PCDH15: variants seen among roughly 807,000 people sequenced by gnomAD.
PCDH15 encodes protocadherin related 15, also known as protocadherin-15.
In PCDH15, 129 loss-of-function variants were observed where a neutral mutation model predicts 178.5. That is an observed-to-expected ratio of 0.72 (90% CI 0.63 to 0.84). The LOEUF (loss-of-function observed/expected upper bound fraction) is 0.84. Among genes scored for constraint, PCDH15 ranks in the 40% least tolerant of loss-of-function variants. The probability of loss-of-function intolerance (pLI) is 0.00; values close to 1 mark genes in which losing one functional copy is unlikely to be tolerated. For synonymous variants in PCDH15, 800 were observed against 732.0 expected (o/e 1.09, Z -1.50); for missense variants, 2,230 against 2,099.9 (o/e 1.06, Z -1.21).
At chr10:54,475,605 T>G in intron 3 of PCDH15, among the ~76,000 whole-genome samples, 1 of 152,092 alleles carries the variant, frequency 6.6e-6, no homozygotes, top group Non-Finnish European at 1.5e-5. Flanking sequence ...TTTTCTGAAA[T>G]ATATCTTATT....
intron 2 of PCDH15, among the ~76,000 whole-genome samples, chr10:54,905,807 A>G (rs1354967114): frequency 6.6e-6 from 1 of 152,124 alleles, no homozygotes; most frequent in African/African-American, 2.4e-5. Flanking sequence ...ACAGTTGCAG[A>G]TGTGTCATGA....
chr10:54,721,730 A>G (rs1941645726), intron 1 of PCDH15, among the ~76,000 whole-genome samples: 1 of 151,826 alleles, frequency 6.6e-6, no homozygotes, highest in African/African-American at 2.4e-5. Context: ...ATCAACAAAC[A>G]TCTACCAACA....
At chr10:55,053,381 G>A (rs762803228) in intron 2 of PCDH15, among the ~76,000 whole-genome samples, 6 of 152,082 alleles carry the variant, frequency 3.9e-5, no homozygotes, top group Admixed American at 6.5e-5. Context: ...ACATCAAGAC[G>A]GTACATGAGT....
At chr10:54,835,776 C>T (rs1199441665) in intron 3 of PCDH15, among the ~76,000 whole-genome samples, 1 of 152,086 alleles carries the variant, frequency 6.6e-6, no homozygotes, top group Admixed American at 6.6e-5. Context: ...TTTAAAATCA[C>T]ATAGCAGGAA....
intron 1 of PCDH15, among the ~76,000 whole-genome samples, chr10:54,745,991 G>A (rs150614436): frequency 6.6e-5 from 10 of 152,264 alleles, no homozygotes; most frequent in African/African-American, 2.4e-4. Context: ...TGAACTGTGA[G>A]ATAAATACTT....
intron 2 of PCDH15, among the ~76,000 whole-genome samples, chr10:55,018,324 G>A (rs984469730): frequency 2.0e-5 from 3 of 151,962 alleles, no homozygotes; most frequent in Non-Finnish European, 4.4e-5. Context: ...ATAGATGCTC[G>A]AGTCACGGAT....
intron 3 of PCDH15, among the ~76,000 whole-genome samples, chr10:54,403,746 C>T (rs1316245514): frequency 6.6e-6 from 1 of 151,896 alleles, no homozygotes; most frequent in African/African-American, 2.4e-5. Flanking sequence ...CAGCAAGTCT[C>T]AGGATACAAA....
At chr10:55,084,472 AC>A (rs1842115922) in intron 2 of PCDH15, among the ~76,000 whole-genome samples, 2 of 151,012 alleles carry the variant, frequency 1.3e-5, no homozygotes, top group Non-Finnish European at 3.0e-5. Flanking sequence ...TAAAAAAAAA[AC>A]TAAAAGAAAA....
intron 3 of PCDH15, among the ~76,000 whole-genome samples, chr10:54,507,868 G>T (rs1005160427): frequency 6.6e-6 from 1 of 151,846 alleles, no homozygotes; most frequent in Admixed American, 6.6e-5. Context: ...TAAAATTTCA[G>T]TATGAATATT....
At chr10:54,949,756 T>A (rs1838288476) in intron 2 of PCDH15, among the ~76,000 whole-genome samples, 1 of 151,872 alleles carries the variant, frequency 6.6e-6, no homozygotes, top group African/African-American at 2.4e-5. Flanking sequence ...CCCTAAATCA[T>A]CTCTCTCAAG....
At chr10:55,520,534 T>C (rs1327608519) in intron 2 of PCDH15, among the ~76,000 whole-genome samples, 2 of 148,518 alleles carry the variant, frequency 1.3e-5, no homozygotes, top group African/African-American at 4.9e-5. Flanking sequence ...TATATATATA[T>C]GTATATATAT....
In PCDH15 at chr10:54,686,041, A is replaced by ATTTTTTTTTTTTTTTTTTTTTTTTT. The variant is rs66539612; in HGVS notation, c.-28-21752_-28-21751insAAAAAAAAAAAAAAAAAAAAAAAAA. On this transcript the variant is annotated intron_variant, in intron 1 of 37. Coordinates refer to ENST00000644397, the MANE Select transcript of PCDH15 (RefSeq NM_001384140.1). ...CAAATCCAAGGGAGCAAGACAGCCAATTTTTTTTTTTTTTTTTTGTATTTT... is the reference window on the plus strand; with the variant it reads ...CAAATCCAAGGGAGCAAGACAGCCAATTTTTTTTTTTTTTTTTTTTTTTTTTTTTTTTTTTTTTTTTTTGTATTTT... 3.9e-5 allele frequency among the ~76,000 whole-genome samples: 5 copies of ATTTTTTTTTTTTTTTTTTTTTTTTT among 126,880 alleles called. 1 individual carries two copies. The highest frequency in any genetic ancestry group is 2.3e-4 in the East Asian group (1 of 4,418). 83.2% of individuals were successfully genotyped at this position (126,880 alleles called of 152,430 possible). A position where few individuals can be genotyped will look rare whatever the true frequency, so the allele number is the denominator to read the frequency against.
chr10:54,062,246 A>AC (rs1249763832), intron 18 of PCDH15, among the ~76,000 whole-genome samples: 2 of 135,054 alleles, frequency 1.5e-5, no homozygotes, highest in African/African-American at 6.1e-5. Flanking sequence ...AAAAAAAAAA[A>AC]AAAAAACAAA....
At chr10:54,817,799 T>G (rs561812687) in intron 3 of PCDH15, among the ~76,000 whole-genome samples, 3 of 152,094 alleles carry the variant, frequency 2.0e-5, no homozygotes, top group African/African-American at 7.2e-5. Context: ...AATTACAATA[T>G]GTGCTGACAT....
At chr10:54,044,376 C>A (rs1292568147) in intron 18 of PCDH15, among the ~76,000 whole-genome samples, 1 of 152,036 alleles carries the variant, frequency 6.6e-6, no homozygotes, top group Non-Finnish European at 1.5e-5. Context: ...ACCAGAGAAA[C>A]CATCTATTAG....
intron 5 of PCDH15, among the ~76,000 whole-genome samples, chr10:54,363,000 C>G (rs1182062819): frequency 6.6e-6 from 1 of 152,060 alleles, no homozygotes; most frequent in African/African-American, 2.4e-5. Context: ...ATAAATTTAA[C>G]TCAAAGCAAA....
intron 3 of PCDH15, among the ~76,000 whole-genome samples, chr10:54,518,069 G>T (rs564800185): frequency 6.6e-6 from 1 of 152,188 alleles, no homozygotes; most frequent in Non-Finnish European, 1.5e-5. Context: ...GCAGTGTGTA[G>T]AGGGAAATTT....
intron 2 of PCDH15, among the ~76,000 whole-genome samples, chr10:54,996,230 G>T (rs1839640468): frequency 6.6e-6 from 1 of 152,072 alleles, no homozygotes; most frequent in Non-Finnish European, 1.5e-5. Flanking sequence ...GCCACTTCTG[G>T]CCCCAACCAC....
intron 1 of PCDH15, among the ~76,000 whole-genome samples, chr10:54,740,755 A>G (rs893181299): frequency 3.3e-5 from 5 of 152,028 alleles, no homozygotes; most frequent in Admixed American, 2.0e-4. Flanking sequence ...ATGTTAATTG[A>G]GCTAAGCCAA....
Sources: gnomAD v4.1 joint callset for allele counts (sites outside exome capture counted in the v4.1 genomes callset) on GRCh38, gnomAD v4.1.1 for gene constraint, MANE v1.5 for transcripts, NCBI Gene and HGNC (gene_info 2026-07-23, HGNC 2026-07-21) for gene names.